The following ANK3 variants were observed in gnomAD, a reference collection of about 807,000 sequenced individuals.
The protein encoded by ANK3 is ankyrin-3.
In ANK3, 57 loss-of-function variants were observed where a neutral mutation model predicts 370.9. That is an observed-to-expected ratio of 0.15 (90% CI 0.12 to 0.19). The LOEUF is 0.19. Among genes scored for constraint, ANK3 ranks in the 10% least tolerant of loss-of-function variants. The pLI is 1.00. For synonymous variants in ANK3, 1,929 were observed against 1,946.3 expected, an observed-to-expected ratio of 0.99 and a Z score of 0.23; for missense variants, 4,439 against 5,302.1, an observed-to-expected ratio of 0.84 and a Z score of 5.06.
rs532466290 is a variant in ANK3 at position 60,572,421 on chromosome 10, GC to G, written c.96+42764del. 2.6e-4 allele frequency: 396 copies of G among 1,520,940 alleles called. 4 individuals are homozygous for G. In the South Asian group the frequency reaches 4.6e-3, roughly 18 times the overall value. 94.2% of individuals were successfully genotyped at this position (1,520,940 alleles called of 1,614,324 possible). A position where few individuals can be genotyped will look rare whatever the true frequency, so the allele number is the denominator to read the frequency against. ...GCCTAAAGATCACTTCCTCCCCAGA[GC>G]CAGAGAACAATGAAGAGAACATGTT... On this transcript the variant is annotated intron_variant, in intron 2 of 43. Transcript: ENST00000373827.
chr10:60,678,167 A>G (rs2079150830), intron 1 of ANK3, among the ~76,000 whole-genome samples: 1 of 152,234 alleles, frequency 6.6e-6, no homozygotes. Context: ...TAGCTTGAAT[A>G]TTTCAAAACC....
intron 2 of ANK3, among the ~76,000 whole-genome samples, chr10:60,497,823 T>C (rs1027782626): frequency 2.6e-5 from 4 of 152,288 alleles, no homozygotes; most frequent in South Asian, 2.1e-4. Context: ...CACAGAGATA[T>C]AGATGCACCA....
intron 7 of ANK3, among the ~76,000 whole-genome samples, chr10:60,261,598 T>C (rs1369797565): frequency 6.6e-6 from 1 of 152,194 alleles, no homozygotes; most frequent in African/African-American, 2.4e-5. Context: ...ATTCCTTGAA[T>C]CACATCTTCT....
At chr10:60,176,478 C>T (rs899665599) in intron 18 of ANK3, among the ~76,000 whole-genome samples, 1 of 152,024 alleles carries the variant, frequency 6.6e-6, no homozygotes, top group Non-Finnish European at 1.5e-5. Context: ...TTTTGCTAAC[C>T]AGGCCAGGCA....
At chr10:60,149,094 G>A (rs530828895) in intron 23 of ANK3, among the ~76,000 whole-genome samples, 2 of 152,320 alleles carry the variant, frequency 1.3e-5, no homozygotes, top group South Asian at 2.1e-4. Flanking sequence ...CATTGTGCCT[G>A]GCAATAAACA....
At chr10:60,357,004 T>C (rs375759896) in intron 1 of ANK3, among the ~76,000 whole-genome samples, 20 of 152,334 alleles carry the variant, frequency 1.3e-4, no homozygotes, top group African/African-American at 4.8e-4. Flanking sequence ...CCACCGTGCC[T>C]GGCCCACCAG....
intron 1 of ANK3, among the ~76,000 whole-genome samples, chr10:60,363,665 G>A (rs1423852510): frequency 6.6e-6 from 1 of 152,140 alleles, no homozygotes; most frequent in African/African-American, 2.4e-5. Flanking sequence ...TAAGGGCACA[G>A]CCCAATAAGA....
chr10:60,042,896 C>T (rs761773891), intron 42 of ANK3, 137 bp from the exon 43 acceptor site: 65 of 1,493,508 alleles, frequency 4.4e-5, no homozygotes, highest in Non-Finnish European at 4.8e-5. Flanking sequence ...TCCAAAAATA[C>T]GTACAATCTT....
intron 23 of ANK3, among the ~76,000 whole-genome samples, chr10:60,162,400 T>C (rs112593667): frequency 1.1e-3 from 166 of 152,252 alleles, no homozygotes; most frequent in Non-Finnish European, 1.9e-3. Flanking sequence ...CCATTCAATG[T>C]GTATTTGGGC....
chr10:60,081,881 GCC>G (rs1332197814), intron 35 of ANK3: 14 of 324,128 alleles, frequency 4.3e-5, no homozygotes, highest in African/African-American at 3.0e-4. Context: ...ATTTATACAT[GCC>G]AATCTACCAT....
chr10:60,391,141 G>T (rs1042227242), upstream of ANK3, among the ~76,000 whole-genome samples: 2 of 152,230 alleles, frequency 1.3e-5, no homozygotes, highest in South Asian at 4.1e-4. Flanking sequence ...GAAAGAATCA[G>T]GGACCATGGC....
chr10:60,187,134 ATTTATTTTATTTTAT>A (rs141378213), intron 16 of ANK3, among the ~76,000 whole-genome samples: 21 of 144,840 alleles, frequency 1.4e-4, no homozygotes, highest in Admixed American at 7.6e-4. Flanking sequence ...TGGACATTTT[ATTTATTTTATTTTAT>A]TTTATTTTAT....
At chr10:60,347,372 A>G (rs1481771202) in intron 1 of ANK3, among the ~76,000 whole-genome samples, 1 of 151,574 alleles carries the variant, frequency 6.6e-6, no homozygotes, top group African/African-American at 2.4e-5. Flanking sequence ...AGGTTTTCCA[A>G]TTTTTGCTTG....
intron 2 of ANK3, among the ~76,000 whole-genome samples, chr10:60,540,281 C>A (rs1277191474): frequency 2.0e-5 from 3 of 151,804 alleles, no homozygotes; most frequent in Admixed American, 6.6e-5. Context: ...CAGAGAGACA[C>A]AGAGATGAGA....
At chr10:60,507,318 T>C (rs1047529364) in intron 2 of ANK3, among the ~76,000 whole-genome samples, 2 of 152,018 alleles carry the variant, frequency 1.3e-5, no homozygotes, top group African/African-American at 2.4e-5. Context: ...AAAAGAATCA[T>C]ACCACCTAAA....
At chr10:60,395,550 C>CTCTTTCTT (rs58204421) in intron 2 of ANK3, among the ~76,000 whole-genome samples, 1,368 of 107,850 alleles carry the variant, frequency 0.013, 47 homozygotes, top group East Asian at 0.033. Context: ...ACTACTATGC[C>CTCTTTCTT]TCTTTCTTTC....
chr10:60,555,912 T>C (rs567081137), intron 2 of ANK3, among the ~76,000 whole-genome samples: 1 of 152,302 alleles, frequency 6.6e-6, no homozygotes, highest in African/African-American at 2.4e-5. Flanking sequence ...AGGCAGTAAA[T>C]AATTGTTTGA....
At chr10:60,405,353 A>G (rs962582231) in intron 2 of ANK3, among the ~76,000 whole-genome samples, 10 of 152,238 alleles carry the variant, frequency 6.6e-5, no homozygotes, top group African/African-American at 2.4e-4. Context: ...CCCTACTGTT[A>G]CTGAGCATAT....
chr10:60,595,407 G>A (rs1400100417), intron 2 of ANK3, among the ~76,000 whole-genome samples: 1 of 152,100 alleles, frequency 6.6e-6, no homozygotes, highest in Non-Finnish European at 1.5e-5. Flanking sequence ...CATAGGGATT[G>A]GAGCTGTCTT....
Sources: allele counts gnomAD v4.1 joint callset (sites outside exome capture counted in the v4.1 genomes callset), GRCh38; gene constraint gnomAD v4.1.1; transcripts MANE v1.5; gene names NCBI Gene and HGNC (gene_info 2026-07-23, HGNC 2026-07-21).